MAGI2: variants seen among roughly 807,000 people sequenced by gnomAD.
The protein encoded by MAGI2 is membrane associated guanylate kinase, WW and PDZ domain containing 2.
Under a neutral mutation model 133.3 loss-of-function variants are expected in MAGI2, and 35 were observed. The ratio of observed to expected loss-of-function variants is 0.26; its 90% CI spans 0.20 to 0.35. The LOEUF (loss-of-function observed/expected upper bound fraction) is 0.35. Ranked by LOEUF, MAGI2 falls within the 10% of genes least tolerant of loss-of-function variation. MAGI2 has a pLI of 1.00. For missense variants in MAGI2, 1,636 were observed against 1,863.4 expected (o/e 0.88, Z 2.25); for synonymous variants, 729 against 710.6 (o/e 1.03, Z -0.41).
At chr7:78,226,320 T>TA (rs5885045) in intron 10 of MAGI2, among the ~76,000 whole-genome samples, 4,612 of 141,806 alleles carry the variant, frequency 0.033, 279 homozygotes, top group African/African-American at 0.12. Context: ...TACAAATGTT[T>TA]AAAAAAAAAA....
chr7:78,791,863 G>C (rs1025332706), intron 2 of MAGI2, among the ~76,000 whole-genome samples: 1 of 152,096 alleles, frequency 6.6e-6, no homozygotes, highest in African/African-American at 2.4e-5. Context: ...AAACAATCTT[G>C]ATGTGCAAAC....
chr7:78,645,099 T>C (rs1268360060), intron 2 of MAGI2, among the ~76,000 whole-genome samples: 1 of 151,574 alleles, frequency 6.6e-6, no homozygotes, highest in East Asian at 2.0e-4. Context: ...AGATAGCCTG[T>C]ATATGTGTGT....
chr7:79,315,389 G>T (rs1186836373), intron 1 of MAGI2, among the ~76,000 whole-genome samples: 3 of 146,694 alleles, frequency 2.0e-5, no homozygotes, highest in Non-Finnish European at 3.0e-5. Flanking sequence ...TGGCCAGGTT[G>T]GTCTTGAACT....
At chr7:78,445,100 C>T (rs7808944) in intron 6 of MAGI2, among the ~76,000 whole-genome samples, 14,369 of 151,514 alleles carry the variant, frequency 0.095, 699 homozygotes, top group African/African-American at 0.13. Context: ...TGTCTAAATT[C>T]CTTAGTGTGT....
At position 78,170,016 on chromosome 7, in the gene MAGI2, G is replaced by A. The variant is rs59583818; in HGVS notation, c.2404-1908C>T. Among the ~76,000 whole-genome samples, 1,032 of 152,338 alleles carry A rather than the reference G, an allele frequency of 6.8e-3. 17 individuals carry two copies. The highest frequency in any genetic ancestry group is 0.017 in the African/African-American group (689 of 41,574). On this transcript the variant is annotated intron_variant, in intron 14 of 21. Coordinates refer to ENST00000354212, the MANE Select transcript of MAGI2 (RefSeq NM_012301.4). ...CAGTTAAAACAAATGTTTCTCCACTGTCCCATGAAAAGGTGCGTTTAGTTG... is the reference window on the plus strand; with the variant it reads ...CAGTTAAAACAAATGTTTCTCCACTATCCCATGAAAAGGTGCGTTTAGTTG...
chr7:78,983,623 A>G (rs1409021909), intron 2 of MAGI2, among the ~76,000 whole-genome samples: 1 of 152,010 alleles, frequency 6.6e-6, no homozygotes, highest in Admixed American at 6.6e-5. Flanking sequence ...AAAAGCCTTC[A>G]GTATATAGCA....
At chr7:78,887,545 C>T (rs1054419440) in intron 2 of MAGI2, among the ~76,000 whole-genome samples, 2 of 152,176 alleles carry the variant, frequency 1.3e-5, no homozygotes, top group African/African-American at 4.8e-5. Flanking sequence ...AAAAACAAAA[C>T]ATGCTTTATG....
chr7:79,149,095 T>G (rs1213802322), intron 1 of MAGI2, among the ~76,000 whole-genome samples: 3 of 144,688 alleles, frequency 2.1e-5, no homozygotes, highest in Non-Finnish European at 4.5e-5. Flanking sequence ...TATTTTTATA[T>G]GTAATATAAT....
At chr7:78,579,563 C>G (rs1802627770) in intron 3 of MAGI2, among the ~76,000 whole-genome samples, 1 of 152,176 alleles carries the variant, frequency 6.6e-6, no homozygotes, top group Non-Finnish European at 1.5e-5. Context: ...CCAGAGGAAT[C>G]TGCGTTAACA....
intron 7 of MAGI2, 151 bp from the exon 8 acceptor site, chr7:78,346,194 G>C (rs1790889084): frequency 2.5e-6 from 2 of 784,636 alleles, no homozygotes; most frequent in Non-Finnish European, 4.1e-6. Context: ...CTCCTGACTG[G>C]GCTGGCCTGT....
intron 6 of MAGI2, among the ~76,000 whole-genome samples, chr7:78,427,809 T>C (rs567719463): frequency 3.9e-5 from 6 of 152,284 alleles, no homozygotes; most frequent in Middle Eastern, 3.4e-3. Context: ...TATAATCATA[T>C]CTACAATGTT....
chr7:78,068,110 G>A (rs1239074184), intron 21 of MAGI2, among the ~76,000 whole-genome samples: 1 of 152,196 alleles, frequency 6.6e-6, no homozygotes, highest in Non-Finnish European at 1.5e-5. Flanking sequence ...TAGACCAGGT[G>A]GGGGTAGGGG....
chr7:79,227,379 G>T (rs149305212), intron 1 of MAGI2, among the ~76,000 whole-genome samples: 1 of 152,278 alleles, frequency 6.6e-6, no homozygotes, highest in African/African-American at 2.4e-5. Flanking sequence ...GACATTTAAT[G>T]GTACAATACA....
intron 2 of MAGI2, among the ~76,000 whole-genome samples, chr7:78,900,330 T>G (rs1797525321): frequency 6.6e-6 from 1 of 152,182 alleles, no homozygotes; most frequent in African/African-American, 2.4e-5. Context: ...TCTCCTTTGA[T>G]GTTTTCCTAT....
intron 3 of MAGI2, among the ~76,000 whole-genome samples, chr7:78,560,684 G>A (rs887451477): frequency 7.2e-5 from 11 of 152,158 alleles, no homozygotes; most frequent in Non-Finnish European, 8.8e-5. Context: ...GGGCTTCAGC[G>A]GTAGGCAGAG....
At chr7:79,248,562 TAC>T (rs1043259541) in intron 1 of MAGI2, among the ~76,000 whole-genome samples, 40 of 152,268 alleles carry the variant, frequency 2.6e-4, no homozygotes, top group African/African-American at 8.4e-4. Context: ...GGCTGCAGAA[TAC>T]ACAGTCTTCT....
At position 78,521,459 on chromosome 7, in the gene MAGI2, A is replaced by C; in HGVS notation, c.725T>G (p.Val242Gly). ...PEEEEEERPVVNGNGVVVTPE... is the reference protein window; with the variant it reads ...PEEEEEERPVGNGNGVVVTPE... ...TGTTACTACTACTCCATTTCCATTG[A>C]CCACAGGCCTCTCTTCCTCTTCCTC... is the stretch of plus-strand genomic sequence containing the variant. The change falls in exon 4 of 22, where the codon GTC (valine) becomes GGC (glycine). Residue 242 changes from valine (V) to glycine (G), a missense_variant. Physicochemically the swap from Val to Gly is moderately radical, Grantham distance 109. This residue lies in a region of MAGI2 where 165 missense variants were observed against 128.4 expected (regional missense o/e 1.28). Transcript: ENST00000354212. The C allele has an allele frequency of 6.2e-7, 1 of 1,614,060 alleles. No individual in the cohort carries two copies. The highest frequency in any genetic ancestry group is 1.7e-5 in the Admixed American group (1 of 60,012).
chr7:79,379,483 A>G (rs1222835137), intron 1 of MAGI2, among the ~76,000 whole-genome samples: 3 of 151,946 alleles, frequency 2.0e-5, no homozygotes, highest in Non-Finnish European at 1.5e-5. Context: ...ACCCAGTAAT[A>G]GGATGCCTGG....
In MAGI2 at chr7:78,477,897, A is replaced by T. The variant is rs1214719288; in HGVS notation, c.1045+11864T>A. Reference sequence around the variant, plus strand: ...GAATATTTCCTTTCTTATGGGTTTTAAATACAAAGTTTTAAAGGAAATTTT... The same window carrying T: ...GAATATTTCCTTTCTTATGGGTTTTTAATACAAAGTTTTAAAGGAAATTTT... On this transcript the variant is annotated intron_variant, in intron 6 of 21. Transcript: ENST00000354212. Among the ~76,000 whole-genome samples, 3 of 151,286 alleles carry T rather than the reference A, an allele frequency of 2.0e-5. No individual in the cohort carries two copies. In the East Asian group the frequency reaches 5.9e-4, roughly 30 times the overall value.
Sources: allele counts gnomAD v4.1 joint callset (sites outside exome capture counted in the v4.1 genomes callset), GRCh38; gene constraint gnomAD v4.1.1; regional missense constraint gnomAD v4.1.1; transcripts MANE v1.5; gene names NCBI Gene and HGNC (gene_info 2026-07-23, HGNC 2026-07-21).